EZR: variants seen among roughly 807,000 people sequenced by gnomAD.
EZR encodes cytovillin 2.
A neutral mutation model predicts 74.8 loss-of-function variants in EZR; 40 were observed. The observed-to-expected ratio is 0.53, with a 90% confidence interval of 0.42 to 0.70. The LOEUF (loss-of-function observed/expected upper bound fraction) is 0.70, where lower values mean the gene tolerates loss of function less well. EZR is among the 30% of genes least tolerant of loss of function. The probability of loss-of-function intolerance (pLI) is 0.00; values close to 1 mark genes in which losing one functional copy is unlikely to be tolerated. For missense variants in EZR, 678 were observed against 755.8 expected (o/e 0.90, Z 1.21); for synonymous variants, 341 against 283.3 (o/e 1.20, Z -2.05).
At chr6:158,784,603 A>G in intron 6 of EZR, 41 bp downstream of exon 6, 1 of 1,559,170 alleles carries the variant, frequency 6.4e-7, no homozygotes, top group Non-Finnish European at 8.9e-7. Flanking sequence ...GCTGGAGCGC[A>G]CGGAGATGGC....
At position 158,765,933 on chromosome 6, in the gene EZR, GCAAA is replaced by G. The variant is rs772413840; in HGVS notation, c.*977_*980del. The G allele has an allele frequency of 7.7e-3, 1,167 of 152,088 alleles. 8 individuals are homozygous for G. Among genetic ancestry groups the G allele is most frequent in the Non-Finnish European group, 0.013 (873 of 67,944 alleles). The allele number at this position is 152,088 out of a possible 1,614,324, so 9.4% of individuals were successfully genotyped here. A position where few individuals can be genotyped will look rare whatever the true frequency, so the allele number is the denominator to read the frequency against. The stretch of plus-strand genomic sequence containing the variant: ...AGAGACTGCAAACAAACAAACACAA[GCAAA>G]CAGAGTCTCTTCACAGCTGGAGTCT... On this transcript the variant is annotated 3_prime_UTR_variant, in exon 14 of 14. Transcript: ENST00000367075.
At chr6:158,817,529 C>T (rs935155250) in intron 2 of EZR, among the ~76,000 whole-genome samples, 4 of 152,248 alleles carry the variant, frequency 2.6e-5, no homozygotes, top group African/African-American at 9.6e-5. Flanking sequence ...AGAAATTCTG[C>T]TGCAGCCAGC....
In EZR at chr6:158,801,243, T is replaced by C. The variant is rs1043709447; in HGVS notation, c.13-11872A>G. On this transcript the variant is annotated intron_variant, in intron 2 of 13. Transcript: ENST00000367075. ...GATTCTCCTGCCTCAGTCTCCAGAGTATCTGGGATTACAGGCGTGCATCAC... is the reference window on the plus strand; with the variant it reads ...GATTCTCCTGCCTCAGTCTCCAGAGCATCTGGGATTACAGGCGTGCATCAC... Among the ~76,000 whole-genome samples, 7 of 152,258 alleles carry C rather than the reference T, an allele frequency of 4.6e-5. No individual in the cohort carries two copies. In the East Asian group the frequency reaches 1.4e-3, roughly 29 times the overall value.
intron 7 of EZR, among the ~76,000 whole-genome samples, chr6:158,782,565 A>T (rs1791460722): frequency 6.6e-6 from 1 of 152,236 alleles, no homozygotes; most frequent in African/African-American, 2.4e-5. Context: ...AACCCAGGCC[A>T]AAAGGCAGGG....
intron 12 of EZR, 55 bp from the exon 13 acceptor site, chr6:158,767,567 G>C: frequency 6.6e-7 from 1 of 1,521,496 alleles, no homozygotes; most frequent in Non-Finnish European, 8.8e-7. Flanking sequence ...TATCCTCCTG[G>C]CTATGAGAAC....
chr6:158,806,846 T>C (rs917324209), intron 2 of EZR, among the ~76,000 whole-genome samples: 1 of 152,204 alleles, frequency 6.6e-6, no homozygotes, highest in Non-Finnish European at 1.5e-5. Flanking sequence ...AAGCAAATAC[T>C]TCAACATCCC....
chr6:158,770,905 GAA>G lies in EZR; in HGVS notation c.960-13_960-12del. The G allele has an allele frequency of 6.2e-7, 1 of 1,614,092 alleles. No homozygotes were observed. The highest frequency in any genetic ancestry group is 8.5e-7 in the Non-Finnish European group (1 of 1,180,014). On this transcript the variant is annotated splice_polypyrimidine_tract_variant and intron_variant, in intron 9 of 13. Transcript: ENST00000367075. ...GTTTCCAGCTGTTGCCTGGTGCAGG[GAA>G]AAAGAGGCACAGGGAGATTTAGACT...
chr6:158,794,864 A>G (rs909732778), intron 2 of EZR, among the ~76,000 whole-genome samples: 18 of 152,214 alleles, frequency 1.2e-4, no homozygotes, highest in African/African-American at 4.1e-4. Flanking sequence ...TACCACTACC[A>G]AGACAAAAAG....
At chr6:158,811,505 T>C (rs911326605) in intron 2 of EZR, among the ~76,000 whole-genome samples, 2 of 152,122 alleles carry the variant, frequency 1.3e-5, no homozygotes, top group African/African-American at 4.8e-5. Flanking sequence ...AGAAAAAAAT[T>C]ATAGTTCACT....
intron 7 of EZR, among the ~76,000 whole-genome samples, chr6:158,781,664 G>A (rs749110779): frequency 9.9e-5 from 15 of 152,190 alleles, no homozygotes; most frequent in Non-Finnish European, 2.9e-5. Context: ...CGAGGACTTT[G>A]TGCACTGCTC....
chr6:158,815,646 T>C (rs1163873302), intron 2 of EZR, among the ~76,000 whole-genome samples: 1 of 152,200 alleles, frequency 6.6e-6, no homozygotes, highest in African/African-American at 2.4e-5. Flanking sequence ...TTCTATTTTT[T>C]GTAGAAACAG....
In EZR at chr6:158,769,437, G is replaced by T. The variant is rs369686423; in HGVS notation, c.1252-19C>A. On this transcript the variant is annotated intron_variant, in intron 11 of 13. Transcript: ENST00000367075. ...CCGCAGCCTGGGAAGGGAATGCCAA[G>T]CTCACGTCAGTTCTGATATCCTTTC... The T allele has an allele frequency of 1.9e-6, 3 of 1,599,598 alleles. No individual in the cohort carries two copies. Among genetic ancestry groups the T allele is most frequent in the African/African-American group, 1.3e-5 (1 of 74,882 alleles).
rs138458480 is a variant in EZR at position 158,802,553 on chromosome 6, C to T, written c.13-13182G>A. On this transcript the variant is annotated intron_variant, in intron 2 of 13. Coordinates refer to ENST00000367075, the MANE Select transcript of EZR (RefSeq NM_001111077.2). ...GTAGTGTTTTGTTTGTTTTTTGAGGCGGAGTTTCACTCTTGTTGCCCAGGC... is the reference window on the plus strand; with the variant it reads ...GTAGTGTTTTGTTTGTTTTTTGAGGTGGAGTTTCACTCTTGTTGCCCAGGC... Among the ~76,000 whole-genome samples the T allele has an allele frequency of 2.3e-4, 35 of 152,152 alleles. No individual in the cohort carries two copies. The East Asian group carries it at 6.4e-3, about 28-fold the overall frequency.
chr6:158,791,732 A>G (rs3102998), intron 2 of EZR, among the ~76,000 whole-genome samples: 65,884 of 126,330 alleles, frequency 0.52, 17,675 homozygotes, highest in Non-Finnish European at 0.61. Context: ...TTTTTGAGAC[A>G]GAGTCTTTCT....
chr6:158,784,192 C>G (rs1360610740), intron 6 of EZR, among the ~76,000 whole-genome samples: 1 of 152,176 alleles, frequency 6.6e-6, no homozygotes, highest in African/African-American at 2.4e-5. Flanking sequence ...TCAGGTGGCT[C>G]GGCCATGTCT....
rs775577421 is a variant in EZR at position 158,769,977 on chromosome 6, C to A, written c.1091-33G>T. 4 of 1,603,368 alleles carry A rather than the reference C, an allele frequency of 2.5e-6. No individual in the cohort carries two copies. The South Asian group carries it at 4.4e-5, about 18-fold the overall frequency. On this transcript the variant is annotated intron_variant, in intron 10 of 13. Coordinates refer to ENST00000367075, the MANE Select transcript of EZR (RefSeq NM_001111077.2). ...GACACAAAGCCAGAGCCATTCAAAC[C>A]CTCAGCCCAGGGACCTAGGAGCCCT...
chr6:158,819,214 T>C (rs1777636878), intron 1 of EZR, 103 bp downstream of exon 1: 1 of 152,634 alleles, frequency 6.6e-6, no homozygotes, highest in South Asian at 1.8e-4. Context: ...CCCCCTAGGC[T>C]GCCCGCCGCA....
At chr6:158,784,812 C>G in intron 5 of EZR, 85 bp from the exon 6 acceptor site, 3 of 1,059,686 alleles carry the variant, frequency 2.8e-6, no homozygotes, top group Middle Eastern at 2.3e-4. Flanking sequence ...CACATTCAAA[C>G]CCTTACTTTC....
intron 8 of EZR, among the ~76,000 whole-genome samples, chr6:158,774,011 C>A (rs190414961): frequency 6.6e-6 from 1 of 152,210 alleles, no homozygotes; most frequent in African/African-American, 2.4e-5. Context: ...AAAAAGGAGA[C>A]GCCAGTTGTT....
Sources: gnomAD v4.1 joint callset for allele counts (sites outside exome capture counted in the v4.1 genomes callset) on GRCh38, gnomAD v4.1.1 for gene constraint, MANE v1.5 for transcripts, NCBI Gene and HGNC (gene_info 2026-07-23, HGNC 2026-07-21) for gene names.